Variants in ACSS2 observed in about 807,000 individuals in gnomAD.
The protein encoded by ACSS2 is acetyl-coenzyme A synthetase, cytoplasmic.
ACSS2 carries 58 observed loss-of-function variants against 90.6 expected under a neutral mutation model. The ratio of observed to expected loss-of-function variants is 0.64; its 90% confidence interval spans 0.52 to 0.80. The LOEUF is 0.80. Among genes scored for constraint, ACSS2 ranks in the 30% least tolerant of loss-of-function variants. ACSS2 has a pLI of 0.00. For synonymous variants in ACSS2, 300 were observed against 330.9 expected (o/e 0.91, Z 1.01); for missense variants, 759 against 912.0 (o/e 0.83, Z 2.16).
At chr20:34,877,909 C>CAGATAGATAGACAGATAGATAGATAGAT (rs2079965020) in intron 1 of ACSS2, among the ~76,000 whole-genome samples, 2 of 146,534 alleles carry the variant, frequency 1.4e-5, no homozygotes, top group Non-Finnish European at 3.0e-5. Context: ...GATAGATAGA[C>CAGATAGATAGACAGATAGATAGATAGAT]AGATAGATAG....
intron 2 of ACSS2, among the ~76,000 whole-genome samples, chr20:34,895,853 G>A (rs1037306128): frequency 5.3e-5 from 8 of 152,192 alleles, no homozygotes; most frequent in African/African-American, 9.7e-5. Context: ...ATAGAGTACC[G>A]TAGATTGAGG....
At chr20:34,903,875 A>C (rs913354993) in intron 2 of ACSS2, among the ~76,000 whole-genome samples, 1 of 151,258 alleles carries the variant, frequency 6.6e-6, no homozygotes, top group Non-Finnish European at 1.5e-5. Context: ...TGTCTCAAAA[A>C]AAAAAAAAAA....
chr20:34,889,747 T>G (rs1402901815), intron 2 of ACSS2, among the ~76,000 whole-genome samples: 1 of 152,206 alleles, frequency 6.6e-6, no homozygotes, highest in South Asian at 2.1e-4. Context: ...GATGGTTAGA[T>G]GTGGTCAAAT....
At chr20:34,883,043 T>TA in intron 2 of ACSS2, 54 bp downstream of exon 2, 1 of 1,399,990 alleles carries the variant, frequency 7.1e-7, no homozygotes, top group Non-Finnish European at 9.9e-7. Flanking sequence ...ATTTGATACT[T>TA]ACAACAACCC....
intron 2 of ACSS2, among the ~76,000 whole-genome samples, chr20:34,909,112 G>A (rs1198418586): frequency 6.6e-6 from 1 of 151,472 alleles, no homozygotes; most frequent in African/African-American, 2.4e-5. Flanking sequence ...TTGGAAGGAA[G>A]GCTGAGGCAG....
chr20:34,891,566 G>A (rs1199478109), intron 2 of ACSS2, among the ~76,000 whole-genome samples: 1 of 152,160 alleles, frequency 6.6e-6, no homozygotes, highest in Non-Finnish European at 1.5e-5. Flanking sequence ...AAGGGGCTGA[G>A]GAAGGAGTCT....
At chr20:34,919,390 C>T (rs754068386) in intron 7 of ACSS2, 45 bp from the exon 8 acceptor site, 5 of 1,610,046 alleles carry the variant, frequency 3.1e-6, no homozygotes, top group Non-Finnish European at 4.2e-6. Context: ...TGTATCTTGT[C>T]CCCATCTTGA....
At chr20:34,886,998 A>G (rs1026918926) in intron 2 of ACSS2, among the ~76,000 whole-genome samples, 2 of 152,226 alleles carry the variant, frequency 1.3e-5, no homozygotes, top group African/African-American at 4.8e-5. Flanking sequence ...TGCTCTTAGG[A>G]AAGTACTCCC....
At chr20:34,878,079 G>A (rs1222296177) in intron 1 of ACSS2, among the ~76,000 whole-genome samples, 4 of 152,252 alleles carry the variant, frequency 2.6e-5, no homozygotes, top group East Asian at 1.9e-4. Flanking sequence ...GACTACAGGC[G>A]GACGCCATGA....
chr20:34,876,333 C>T (rs888150005), upstream of ACSS2: 26 of 263,672 alleles, frequency 9.9e-5, 1 homozygote, highest in Non-Finnish European at 1.7e-4. Context: ...TCCACGGTTC[C>T]ACCCTCTCCC....
upstream of ACSS2, chr20:34,876,472 C>G (rs913796541): frequency 1.4e-5 from 9 of 656,446 alleles, no homozygotes; most frequent in Non-Finnish European, 1.8e-5. Context: ...GATCCCTCCC[C>G]AACCAGACAC....
chr20:34,889,849 C>T (rs2080291299), intron 2 of ACSS2, among the ~76,000 whole-genome samples: 2 of 152,140 alleles, frequency 1.3e-5, no homozygotes, highest in Non-Finnish European at 2.9e-5. Flanking sequence ...TCATCAACAG[C>T]GGATGAGGTC....
chr20:34,908,422 T>C (rs115499690), intron 2 of ACSS2, among the ~76,000 whole-genome samples: 5,423 of 152,260 alleles, frequency 0.036, 329 homozygotes, highest in African/African-American at 0.12. Flanking sequence ...GATGCTCCTT[T>C]TCCCCAGAAT....
chr20:34,905,374 G>T (rs1016187699), intron 2 of ACSS2, among the ~76,000 whole-genome samples: 42 of 151,354 alleles, frequency 2.8e-4, no homozygotes, highest in African/African-American at 9.7e-4. Flanking sequence ...CTGGGTTCAC[G>T]CCATCCTCCT....
intron 13 of ACSS2, 72 bp from the exon 14 acceptor site, chr20:34,923,251 T>C (rs1344306435): frequency 1.7e-5 from 19 of 1,142,982 alleles, no homozygotes; most frequent in Non-Finnish European, 1.4e-5. Context: ...CCCCCACATT[T>C]AGAAAAGCTG....
At chr20:34,899,415 TTTCTTTCTTTCC>T (rs754658429) in intron 2 of ACSS2, among the ~76,000 whole-genome samples, 16 of 43,770 alleles carry the variant, frequency 3.7e-4, no homozygotes, top group Non-Finnish European at 6.2e-4. Context: ...TCTTTCTTTC[TTTCTTTCTTTCC>T]TTCCTTCCTT....
At position 34,927,213 on chromosome 20, in the gene ACSS2, G is replaced by A. The variant is rs2081339656; in HGVS notation, c.2105G>A (p.Ter702=). 6.2e-7 allele frequency: 1 copy of A among 1,613,526 alleles called. No individual in the cohort carries two copies. The highest frequency in any genetic ancestry group is 8.5e-7 in the Non-Finnish European group (1 of 1,180,024). Reference sequence around the variant, plus strand: ...AGCCACCGCTGCCTGACCATCCAGTGAACATGATCCTGACCTTTACCTAGG... The same window carrying A: ...AGCCACCGCTGCCTGACCATCCAGTAAACATGATCCTGACCTTTACCTAGG... ...LFSHRCLTIQ[*] Residue 702 remains the stop codon, a stop_retained_variant, in exon 18 of 18, where the codon TGA becomes TAA. Transcript: ENST00000360596. The surrounding 1 kb of genome is among the most constrained non-coding windows in gnomAD (Gnocchi z 4.2).
chr20:34,892,301 C>A (rs1045849052), intron 2 of ACSS2, among the ~76,000 whole-genome samples: 1 of 152,168 alleles, frequency 6.6e-6, no homozygotes, highest in Non-Finnish European at 1.5e-5. Flanking sequence ...TGAGGATGGG[C>A]CTTCCCCCAC....
intron 16 of ACSS2, 136 bp downstream of exon 16, chr20:34,926,417 G>T: frequency 1.3e-6 from 1 of 775,952 alleles, no homozygotes; most frequent in Non-Finnish European, 2.0e-6. Flanking sequence ...TGGGCTGATT[G>T]CCCTCTTCCT....
Sources: gnomAD v4.1 joint callset for allele counts (sites outside exome capture counted in the v4.1 genomes callset) on GRCh38, gnomAD v4.1.1 for gene constraint, Gnocchi (gnomAD v3.1) non-coding constraint, MANE v1.5 for transcripts, NCBI Gene and HGNC (gene_info 2026-07-23, HGNC 2026-07-21) for gene names.